VEZT: variants seen among roughly 807,000 people sequenced by gnomAD.
VEZT encodes the protein vezatin, adherens junctions transmembrane protein.
Under a neutral mutation model 79.9 loss-of-function variants are expected in VEZT, and 39 were observed. That is an observed-to-expected ratio of 0.49 (90% CI 0.38 to 0.64). The LOEUF (loss-of-function observed/expected upper bound fraction) is 0.64, where lower values mean the gene tolerates loss of function less well. Ranked by LOEUF, VEZT falls within the 30% of genes least tolerant of loss-of-function variation. The probability of loss-of-function intolerance (pLI) is 0.00; values close to 1 mark genes in which losing one functional copy is unlikely to be tolerated. For synonymous variants in VEZT, 325 were observed against 327.6 expected (o/e 0.99, Z 0.09); for missense variants, 837 against 893.1 (o/e 0.94, Z 0.80).
intron 8 of VEZT, among the ~76,000 whole-genome samples, chr12:95,284,000 A>C (rs1380653727): frequency 6.6e-6 from 1 of 152,242 alleles, no homozygotes; most frequent in African/African-American, 2.4e-5. Flanking sequence ...AGAATCAGAA[A>C]TATACGGCGC....
At chr12:95,280,882 A>T (rs1403284248) in intron 7 of VEZT, among the ~76,000 whole-genome samples, 1 of 152,208 alleles carries the variant, frequency 6.6e-6, no homozygotes, top group Non-Finnish European at 1.5e-5. Flanking sequence ...CAAGTCAAGA[A>T]TCCCTAGATA....
intron 5 of VEZT, 111 bp from the exon 6 acceptor site, chr12:95,269,940 T>G: frequency 1.5e-6 from 2 of 1,305,570 alleles, no homozygotes; most frequent in Non-Finnish European, 2.1e-6. Flanking sequence ...GTGAAGATCA[T>G]GAAAGAGGAA....
At chr12:95,239,725 G>T (rs760108663) in intron 1 of VEZT, among the ~76,000 whole-genome samples, 7 of 152,134 alleles carry the variant, frequency 4.6e-5, no homozygotes, top group Non-Finnish European at 7.4e-5. Flanking sequence ...GCCAAGGAGG[G>T]CAGATCACTT....
intron 3 of VEZT, among the ~76,000 whole-genome samples, chr12:95,260,405 G>C (rs7296348): frequency 0.74 from 113,231 of 152,040 alleles, 43,074 homozygotes; most frequent in African/African-American, 0.91. Flanking sequence ...AGTGCCCAGT[G>C]GGTTTGTCAC....
In VEZT at chr12:95,287,801, G is replaced by A; in HGVS notation, c.1466G>A (p.Trp489Ter). 1 of 1,608,272 alleles carries A rather than the reference G, an allele frequency of 6.2e-7. No homozygotes were observed. Among genetic ancestry groups the A allele is most frequent in the South Asian group, 1.1e-5 (1 of 89,594 alleles). The change falls in exon 9 of 12, where the codon TGG becomes TAG. Residue 489 changes from tryptophan to a stop codon, truncating the protein, a stop_gained. Transcript: ENST00000436874. LOFTEE classifies it high-confidence loss of function. ...CACGTTCAAGCAAGCAACAATTGCT[G>A]GGAAGAGGCCATTTCTCAGGTCGAC... is the stretch of plus-strand genomic sequence containing the variant. ...QPHVQASNNC[W>*]EEAISQVDKL...
chr12:95,239,008 G>A (rs115190732), intron 1 of VEZT, among the ~76,000 whole-genome samples: 24 of 152,236 alleles, frequency 1.6e-4, no homozygotes, highest in African/African-American at 5.8e-4. Flanking sequence ...GCAGAGAAAA[G>A]TATATAGTAT....
At chr12:95,258,014 GT>G (rs2063739520) in intron 3 of VEZT, among the ~76,000 whole-genome samples, 1 of 152,170 alleles carries the variant, frequency 6.6e-6, no homozygotes, top group African/African-American at 2.4e-5. Flanking sequence ...CAGCTAGAAA[GT>G]GATAGAGCCA....
chr12:95,218,233 T>C (rs2057005808), intron 1 of VEZT: 1 of 201,182 alleles, frequency 5.0e-6, no homozygotes, highest in Non-Finnish European at 1.0e-5. Flanking sequence ...GCCTTTTAGA[T>C]AGTCACAACT....
chr12:95,288,935 A>G (rs1368036334), intron 9 of VEZT, among the ~76,000 whole-genome samples: 2 of 151,920 alleles, frequency 1.3e-5, no homozygotes, highest in Non-Finnish European at 2.9e-5. Context: ...CATCCTGGCC[A>G]GGCACGGTGA....
intron 8 of VEZT, among the ~76,000 whole-genome samples, chr12:95,283,664 T>C (rs2069762408): frequency 6.6e-6 from 1 of 152,214 alleles, no homozygotes; most frequent in South Asian, 2.1e-4. Context: ...GAAAGATATT[T>C]TTAGAAGCTA....
Position 95,257,181 on chromosome 12 carries a change from T to C in VEZT, c.200T>C (p.Ile67Thr). Residue 67 changes from isoleucine (I) to threonine (T), a missense_variant, in exon 3 of 12, where the codon ATC becomes ACC. Physicochemically the swap from Ile to Thr is moderately conservative, Grantham distance 89 (BLOSUM62 -1). Transcript: ENST00000436874. ...ATCCTGTTAAAAGTGGCTGAAACCA[T>C]CAAAAGTTGGATTTTTTTTTCTCAG... Reference protein sequence around the residue: ...QGILLKVAETIKSWIFFSQCN... With the variant: ...QGILLKVAETTKSWIFFSQCN... The C allele has an allele frequency of 6.2e-7, 1 of 1,611,830 alleles. No homozygotes were observed.
chr12:95,278,354 T>G (rs1308462791), intron 7 of VEZT, among the ~76,000 whole-genome samples: 1 of 152,206 alleles, frequency 6.6e-6, no homozygotes, highest in Non-Finnish European at 1.5e-5. Flanking sequence ...ATAATAGTAT[T>G]TTTATATTTC....
Position 95,270,047 on chromosome 12 carries a change from A to G in VEZT, c.711-4A>G. 6.2e-7 allele frequency: 1 copy of G among 1,609,774 alleles called. No homozygotes were observed. Among genetic ancestry groups the G allele is most frequent in the Non-Finnish European group, 8.5e-7 (1 of 1,177,958 alleles). On this transcript the variant is annotated splice_polypyrimidine_tract_variant and splice_region_variant and intron_variant, in intron 5 of 11. Transcript: ENST00000436874. ...ACATTTTACTTTTCAAGTTTGCTTG[A>G]CAGGGTCAGTGCTGCTTGCCCATTT...
At chr12:95,235,574 G>T (rs1441243002) in intron 1 of VEZT, among the ~76,000 whole-genome samples, 1 of 144,068 alleles carries the variant, frequency 6.9e-6, no homozygotes, top group Non-Finnish European at 1.5e-5. Flanking sequence ...GGACGGGGCG[G>T]CTGGCCGGGC....
intron 6 of VEZT, among the ~76,000 whole-genome samples, chr12:95,274,533 T>C (rs1330315089): frequency 6.6e-6 from 1 of 152,190 alleles, no homozygotes; most frequent in African/African-American, 2.4e-5. Context: ...TTTTTAGACA[T>C]TAAAAATTGT....
At chr12:95,234,074 TTG>T (rs1179716931) in intron 1 of VEZT, among the ~76,000 whole-genome samples, 17 of 152,286 alleles carry the variant, frequency 1.1e-4, no homozygotes, top group African/African-American at 3.4e-4. Context: ...TAGGTAAAAA[TTG>T]TGTCTTTGTT....
At chr12:95,251,737 T>C (rs184478590) in intron 1 of VEZT, among the ~76,000 whole-genome samples, 2 of 152,322 alleles carry the variant, frequency 1.3e-5, no homozygotes, top group East Asian at 3.9e-4. Flanking sequence ...TTTTCCTTTT[T>C]TGGGTTCCTC....
At chr12:95,286,742 T>A in intron 8 of VEZT, 1 of 426,892 alleles carries the variant, frequency 2.3e-6, no homozygotes, top group South Asian at 1.8e-5. Context: ...TAGTACATTT[T>A]CCACCACAAA....
chr12:95,275,747 C>G (rs894892064), intron 7 of VEZT: 6 of 151,700 alleles, frequency 4.0e-5, no homozygotes, highest in Admixed American at 3.3e-4. Flanking sequence ...CATGAACTGA[C>G]AGTTCACAAA....
Sources: gnomAD v4.1 joint callset for allele counts (sites outside exome capture counted in the v4.1 genomes callset) on GRCh38, gnomAD v4.1.1 for gene constraint, MANE v1.5 for transcripts, NCBI Gene and HGNC (gene_info 2026-07-23, HGNC 2026-07-21) for gene names.